Variants in SHISA9 observed in about 807,000 individuals in gnomAD.
SHISA9 encodes protein shisa-9.
A neutral mutation model predicts 38.0 loss-of-function variants in SHISA9; 13 were observed. That is an observed-to-expected ratio of 0.34 (90% CI 0.22 to 0.54). SHISA9 has a LOEUF of 0.54. Ranked by LOEUF, SHISA9 falls within the 20% of genes least tolerant of loss-of-function variation. SHISA9 has a pLI of 0.91. For missense variants in SHISA9, 538 were observed against 575.8 expected, an observed-to-expected ratio of 0.93 and a Z score of 0.67; for synonymous variants, 275 against 242.0, an observed-to-expected ratio of 1.14 and a Z score of -1.27.
intron 2 of SHISA9, among the ~76,000 whole-genome samples, chr16:13,143,099 C>T (rs555779709): frequency 7.9e-5 from 12 of 151,624 alleles, no homozygotes; most frequent in South Asian, 2.1e-4. Flanking sequence ...CTCTGCCTCC[C>T]GGATTCAAGC....
At chr16:13,041,800 G>A (rs908587896) in intron 2 of SHISA9, among the ~76,000 whole-genome samples, 3 of 152,204 alleles carry the variant, frequency 2.0e-5, no homozygotes, top group Non-Finnish European at 4.4e-5. Flanking sequence ...CACTGCCATG[G>A]ATTCCAATTT....
chr16:13,415,308 A>G, the SHISA9 span, among the ~76,000 whole-genome samples: 3 of 152,200 alleles, frequency 2.0e-5, no homozygotes, highest in African/African-American at 7.2e-5. Flanking sequence ...GCTGGAGGCC[A>G]TGATCCTTAG....
At chr16:13,099,474 G>A (rs2073857935) in intron 2 of SHISA9, among the ~76,000 whole-genome samples, 1 of 152,162 alleles carries the variant, frequency 6.6e-6, no homozygotes, top group South Asian at 2.1e-4. Context: ...CAGGCTGAGA[G>A]TAGAATTGTG....
chr16:13,471,397 C>T, the SHISA9 span, among the ~76,000 whole-genome samples: 47 of 152,308 alleles, frequency 3.1e-4, no homozygotes, highest in African/African-American at 9.1e-4. Context: ...GGAAACACCA[C>T]TCTGTTTTAA....
intron 2 of SHISA9, among the ~76,000 whole-genome samples, chr16:12,983,717 T>G (rs1463471184): frequency 6.6e-6 from 1 of 152,204 alleles, no homozygotes; most frequent in African/African-American, 2.4e-5. Context: ...CTCGATCTCC[T>G]GACCTTGTGA....
At chr16:13,290,689 C>T in the SHISA9 span, among the ~76,000 whole-genome samples, 1 of 152,106 alleles carries the variant, frequency 6.6e-6, no homozygotes, top group East Asian at 1.9e-4. Flanking sequence ...TCTCTGGTTT[C>T]CAGCCTGTGG....
chr16:12,979,055 C>T (rs539148231), intron 2 of SHISA9, among the ~76,000 whole-genome samples: 11 of 152,192 alleles, frequency 7.2e-5, no homozygotes, highest in African/African-American at 9.7e-5. Flanking sequence ...CCAATCTCCA[C>T]GTCTAATCAG....
intron 2 of SHISA9, among the ~76,000 whole-genome samples, chr16:13,009,538 A>C (rs570200424): frequency 1.2e-4 from 19 of 152,228 alleles, no homozygotes; most frequent in African/African-American, 4.6e-4. Flanking sequence ...GGAAGGTGAA[A>C]GGGCCAATAG....
chr16:13,010,827 C>T (rs1224047305), intron 2 of SHISA9, among the ~76,000 whole-genome samples: 2 of 152,148 alleles, frequency 1.3e-5, no homozygotes, highest in East Asian at 1.9e-4. Context: ...TGGTGCATGC[C>T]TGTAATCGCA....
chr16:12,997,069 A>C (rs183801623), intron 2 of SHISA9, among the ~76,000 whole-genome samples: 5 of 152,188 alleles, frequency 3.3e-5, no homozygotes, highest in African/African-American at 9.6e-5. Flanking sequence ...CCCTGCAACC[A>C]ACTCCTCTAT....
rs572972039 is a variant in SHISA9 at position 12,957,759 on chromosome 16, C to T, written c.691+40944C>T. ...ATTTTTTTGTTTTCTTCTCACAGTT[C>T]TTGAGGCTGGAAGTCCAAGATCAAG... On this transcript the variant is annotated intron_variant, in intron 2 of 4. Coordinates refer to ENST00000558583, the MANE Select transcript of SHISA9 (RefSeq NM_001145204.3). Among the ~76,000 whole-genome samples, 10 of 152,244 alleles carry T rather than the reference C, an allele frequency of 6.6e-5. No individual in the cohort carries two copies. The South Asian group carries it at 2.1e-3, about 32-fold the overall frequency.
chr16:13,073,446 C>T (rs2073542548), intron 2 of SHISA9, among the ~76,000 whole-genome samples: 1 of 152,180 alleles, frequency 6.6e-6, no homozygotes, highest in African/African-American at 2.4e-5. Context: ...GGGCATTGAT[C>T]TCCCACGTGG....
the SHISA9 span, among the ~76,000 whole-genome samples, chr16:13,469,239 C>T: frequency 7.5e-6 from 1 of 133,656 alleles, no homozygotes; most frequent in Non-Finnish European, 1.6e-5. Flanking sequence ...AAGACTCTGC[C>T]AAGAAAAAAA....
the SHISA9 span, among the ~76,000 whole-genome samples, chr16:13,367,714 A>C: frequency 1.1e-5 from 1 of 88,630 alleles, no homozygotes. Context: ...GCGCGCGCGC[A>C]CACACACACA....
chr16:13,038,867 C>A (rs1413051101), intron 2 of SHISA9, among the ~76,000 whole-genome samples: 3 of 152,186 alleles, frequency 2.0e-5, no homozygotes, highest in Non-Finnish European at 4.4e-5. Context: ...TGTTGAATGA[C>A]TCAGTACCTG....
At chr16:13,484,214 G>C in the SHISA9 span, among the ~76,000 whole-genome samples, 1 of 152,200 alleles carries the variant, frequency 6.6e-6, no homozygotes, top group Non-Finnish European at 1.5e-5. Flanking sequence ...GATGATTGTT[G>C]TTGTGGTAGT....
chr16:13,220,703 A>C (rs2051215317), intron 4 of SHISA9, among the ~76,000 whole-genome samples: 1 of 152,252 alleles, frequency 6.6e-6, no homozygotes, highest in African/African-American at 2.4e-5. Flanking sequence ...AGCAATGCAC[A>C]GGAAGGCAGT....
chr16:13,472,547 A>C, the SHISA9 span, among the ~76,000 whole-genome samples: 1 of 151,402 alleles, frequency 6.6e-6, no homozygotes, highest in Non-Finnish European at 1.5e-5. Context: ...ACCCGCCACC[A>C]AGCCCGGTTA....
At chr16:13,477,849 C>T in the SHISA9 span, among the ~76,000 whole-genome samples, 3 of 152,172 alleles carry the variant, frequency 2.0e-5, no homozygotes, top group East Asian at 5.8e-4. Context: ...CCTATAATCT[C>T]AGCTACTTGG....
Sources: gnomAD v4.1 joint callset for allele counts (sites outside exome capture counted in the v4.1 genomes callset) on GRCh38, gnomAD v4.1.1 for gene constraint, MANE v1.5 for transcripts, NCBI Gene and HGNC (gene_info 2026-07-23, HGNC 2026-07-21) for gene names.